The following ZFAT variants were observed in gnomAD, a reference collection of about 807,000 sequenced individuals.
ZFAT encodes the protein zinc finger protein ZFAT.
Under a neutral mutation model 117.7 loss-of-function variants are expected in ZFAT, and 64 were observed. The ratio of observed to expected loss-of-function variants is 0.54; its 90% CI spans 0.44 to 0.67. The LOEUF is 0.67. Ranked by LOEUF, ZFAT falls within the 30% of genes least tolerant of loss-of-function variation. The probability of loss-of-function intolerance (pLI) is 0.00; values close to 1 mark genes in which losing one functional copy is unlikely to be tolerated. For missense variants in ZFAT, 1,433 were observed against 1,584.5 expected (o/e 0.90, Z 1.62); for synonymous variants, 679 against 615.0 (o/e 1.10, Z -1.54).
At chr8:134,582,299 G>A (rs185314698) in intron 10 of ZFAT, among the ~76,000 whole-genome samples, 10 of 152,316 alleles carry the variant, frequency 6.6e-5, no homozygotes, top group South Asian at 2.1e-4. Flanking sequence ...GGCATGAGAC[G>A]ACAGAACCCT....
chr8:134,507,521 G>A (rs1389956977), intron 15 of ZFAT, among the ~76,000 whole-genome samples: 3 of 152,200 alleles, frequency 2.0e-5, no homozygotes, highest in African/African-American at 4.8e-5. Context: ...ACTCTTTGCT[G>A]TGTTTGCAAT....
the ZFAT span, among the ~76,000 whole-genome samples, chr8:134,742,400 G>A: frequency 6.6e-6 from 1 of 152,188 alleles, no homozygotes; most frequent in Admixed American, 6.5e-5. Context: ...GTGCCATCAT[G>A]AAGCCCTCAT....
chr8:134,695,521 C>A (rs1243990250), intron 1 of ZFAT, among the ~76,000 whole-genome samples: 2 of 151,628 alleles, frequency 1.3e-5, no homozygotes, highest in Non-Finnish European at 2.9e-5. Context: ...CGCCCCCACC[C>A]CCAGGCCCTG....
chr8:134,797,626 C>T, the ZFAT span: 1 of 152,030 alleles, frequency 6.6e-6, no homozygotes, highest in Admixed American at 6.6e-5. Flanking sequence ...AGTAGCTCAA[C>T]AGGTTCTACT....
intron 1 of ZFAT, among the ~76,000 whole-genome samples, chr8:134,701,981 G>C (rs575159298): frequency 2.3e-4 from 35 of 152,344 alleles, no homozygotes; most frequent in African/African-American, 7.5e-4. Context: ...AGAGTTAATG[G>C]ATTAATGGGT....
chr8:134,505,424 A>G (rs1004240864), intron 15 of ZFAT, among the ~76,000 whole-genome samples: 1 of 152,214 alleles, frequency 6.6e-6, no homozygotes, highest in Admixed American at 6.5e-5. Flanking sequence ...CCATGTCCTC[A>G]TCTTTGAGGC....
At chr8:134,770,225 C>G in the ZFAT span, among the ~76,000 whole-genome samples, 1 of 152,142 alleles carries the variant, frequency 6.6e-6, no homozygotes, top group Non-Finnish European at 1.5e-5. Context: ...TGCAAATTTT[C>G]CAAACTTTTA....
At chr8:134,596,726 G>A (rs1239489997) in intron 7 of ZFAT, among the ~76,000 whole-genome samples, 2 of 152,038 alleles carry the variant, frequency 1.3e-5, no homozygotes, top group South Asian at 2.1e-4. Context: ...AGGAAACCAT[G>A]GATGAATTAA....
rs1222348961 is a variant in ZFAT at position 134,478,628 on chromosome 8, C to T, written c.3586G>A (p.Val1196Met). The change falls in exon 16 of 16, where the codon GTG becomes ATG. Residue 1196 changes from valine (V) to methionine (M), a missense_variant. By Grantham distance (21) the Val-to-Met change is conservative. This residue lies in a region of ZFAT where 503 missense variants were observed against 543.4 expected (regional missense o/e 0.93). Coordinates refer to ENST00000377838, the MANE Select transcript of ZFAT (RefSeq NM_020863.4). This position sits in a 1 kb window ranked among gnomAD's most constrained non-coding sequence, Gnocchi z 5.2. ...SVELAEQHHL[V>M]VSSDDVEGIE... ...CCCTCCACGTCGTCGGAGGACACCA[C>T]CAGGTGGTGCTGCTCGGCAAGCTCC... 3 of 1,585,566 alleles carry T rather than the reference C, an allele frequency of 1.9e-6. No homozygotes were observed. The highest frequency in any genetic ancestry group is 2.3e-5 in the East Asian group (1 of 43,008).
the ZFAT span, among the ~76,000 whole-genome samples, chr8:134,804,534 A>G: frequency 4.6e-5 from 7 of 152,222 alleles, no homozygotes; most frequent in Admixed American, 4.6e-4. Context: ...TACAATGGAG[A>G]AAATCAGTCT....
intron 12 of ZFAT, among the ~76,000 whole-genome samples, chr8:134,526,453 G>A (rs902163349): frequency 6.6e-6 from 1 of 152,162 alleles, no homozygotes; most frequent in African/African-American, 2.4e-5. Context: ...TTTACTCATG[G>A]CACTGATATT....
intron 15 of ZFAT, among the ~76,000 whole-genome samples, chr8:134,507,501 C>G (rs2130340029): frequency 6.6e-6 from 1 of 152,264 alleles, no homozygotes; most frequent in Admixed American, 6.5e-5. Flanking sequence ...CGACTGTGTT[C>G]AACAGCACCA....
chr8:134,615,121 C>T lies in ZFAT; in HGVS notation c.449-4466G>A, dbSNP rs143621376. Reference sequence around the variant, plus strand: ...GTGCAGGCTCTGGTCCTCCCCTCAGCCAGGGACAGTGGGGTTCTCCTTGTA... The same window carrying T: ...GTGCAGGCTCTGGTCCTCCCCTCAGTCAGGGACAGTGGGGTTCTCCTTGTA... On this transcript the variant is annotated intron_variant, in intron 3 of 15. Transcript: ENST00000377838. Among the ~76,000 whole-genome samples, 334 of 152,294 alleles carry T rather than the reference C, an allele frequency of 2.2e-3. 7 individuals are homozygous for T. The highest frequency in any genetic ancestry group is 0.015 in the Admixed American group (230 of 15,294).
chr8:134,820,524 T>A, the ZFAT span, among the ~76,000 whole-genome samples: 1 of 152,228 alleles, frequency 6.6e-6, no homozygotes, highest in African/African-American at 2.4e-5. Flanking sequence ...ACAGTATTTA[T>A]CTCACACTTA....
chr8:134,518,975 T>G (rs569170066), intron 13 of ZFAT, among the ~76,000 whole-genome samples: 4 of 152,182 alleles, frequency 2.6e-5, no homozygotes, highest in African/African-American at 9.6e-5. Context: ...GGGTCTATTC[T>G]AAATTTTCTG....
At chr8:134,709,751 T>C (rs1369625089) in intron 1 of ZFAT, among the ~76,000 whole-genome samples, 1 of 152,242 alleles carries the variant, frequency 6.6e-6, no homozygotes, top group Non-Finnish European at 1.5e-5. Context: ...ACAATAGCTA[T>C]CTTGCAAAAG....
chr8:134,523,577 C>T (rs907963721), intron 12 of ZFAT, among the ~76,000 whole-genome samples: 4 of 152,230 alleles, frequency 2.6e-5, no homozygotes, highest in African/African-American at 7.2e-5. Context: ...AAAACACAGA[C>T]TAGATCACAG....
chr8:134,693,302 G>A (rs895843233), intron 1 of ZFAT, among the ~76,000 whole-genome samples: 4 of 152,162 alleles, frequency 2.6e-5, no homozygotes, highest in East Asian at 1.9e-4. Context: ...AAAAGCGGGG[G>A]CACGCTGAAG....
rs1275823063 is a variant in ZFAT, at chr8:134,478,623, C to T, written c.3591G>A (p.Val1197=). The change falls in exon 16 of 16, where the codon GTG becomes GTA. Residue 1197 remains valine, a synonymous_variant. Coordinates refer to ENST00000377838, the MANE Select transcript of ZFAT (RefSeq NM_020863.4). This position sits in a 1 kb window ranked among gnomAD's most constrained non-coding sequence, Gnocchi z 5.2. ...VELAEQHHLV[V]SSDDVEGIET... is the part of the protein sequence containing the mutation. ...CAATGCCCTCCACGTCGTCGGAGGA[C>T]ACCACCAGGTGGTGCTGCTCGGCAA... 6.3e-7 allele frequency: 1 copy of T among 1,586,336 alleles called. No homozygotes were observed.
Sources: gnomAD v4.1 joint callset for allele counts (sites outside exome capture counted in the v4.1 genomes callset) on GRCh38, gnomAD v4.1.1 for gene constraint, gnomAD v4.1.1 regional missense constraint, Gnocchi (gnomAD v3.1) non-coding constraint, MANE v1.5 for transcripts, NCBI Gene and HGNC (gene_info 2026-07-23, HGNC 2026-07-21) for gene names.